The following TXNDC11 variants were observed in gnomAD, a reference collection of about 807,000 sequenced individuals.
The protein encoded by TXNDC11 is thioredoxin domain containing 11.
TXNDC11 carries 68 observed loss-of-function variants against 78.0 expected under a neutral mutation model. The observed-to-expected ratio is 0.87, with a 90% confidence interval of 0.72 to 1.07. The LOEUF (loss-of-function observed/expected upper bound fraction) is 1.07. Ranked by LOEUF, TXNDC11 falls within the 50% of genes least tolerant of loss-of-function variation. The probability of loss-of-function intolerance (pLI) is 0.00; values close to 1 mark genes in which losing one functional copy is unlikely to be tolerated. For synonymous variants in TXNDC11, 571 were observed against 495.2 expected (o/e 1.15, Z -2.03); for missense variants, 1,389 against 1,221.8 (o/e 1.14, Z -2.04).
chr16:11,723,521 G>A (rs924472220), intron 4 of TXNDC11, among the ~76,000 whole-genome samples: 8 of 152,038 alleles, frequency 5.3e-5, no homozygotes, highest in African/African-American at 1.9e-4. Context: ...GGAGGTGGAG[G>A]TTGCAGTGAG....
chr16:11,687,766 T>G (rs2050603951), intron 10 of TXNDC11, 91 bp downstream of exon 10: 1 of 857,684 alleles, frequency 1.2e-6, no homozygotes, highest in African/African-American at 1.7e-5. Context: ...TAATGGAAAA[T>G]GGGCAGACCC....
chr16:11,695,680 G>A (rs994703802), intron 7 of TXNDC11, among the ~76,000 whole-genome samples: 2 of 152,072 alleles, frequency 1.3e-5, no homozygotes, highest in African/African-American at 2.4e-5. Flanking sequence ...GAACCCTCCT[G>A]CCAGAAAAAC....
intron 1 of TXNDC11, among the ~76,000 whole-genome samples, 175 bp from the exon 2 acceptor site, chr16:11,736,408 T>C (rs1489152715): frequency 3.9e-5 from 6 of 152,172 alleles, no homozygotes; most frequent in South Asian, 2.1e-4. Context: ...ACATGAATAA[T>C]ACGTTGGAAA....
chr16:11,723,790 C>G (rs1267917359), intron 4 of TXNDC11, among the ~76,000 whole-genome samples: 2 of 152,178 alleles, frequency 1.3e-5, no homozygotes, highest in East Asian at 3.8e-4. Context: ...ATTCCCGAGC[C>G]TTTCCCCATC....
At chr16:11,698,428 C>A in intron 6 of TXNDC11, 103 bp from the exon 7 acceptor site, 1 of 1,015,374 alleles carries the variant, frequency 9.8e-7, no homozygotes. Flanking sequence ...GGTGAGAAAA[C>A]CCAGGCGTGG....
At chr16:11,690,579 G>C (rs964684133) in intron 8 of TXNDC11, among the ~76,000 whole-genome samples, 1 of 152,170 alleles carries the variant, frequency 6.6e-6, no homozygotes, top group East Asian at 1.9e-4. Flanking sequence ...TGGAGACGGA[G>C]TCTTGCTCTG....
chr16:11,738,224 C>A (rs1039662634), intron 1 of TXNDC11, among the ~76,000 whole-genome samples: 1 of 152,166 alleles, frequency 6.6e-6, no homozygotes, highest in Non-Finnish European at 1.5e-5. Context: ...ATATGAAATT[C>A]CAGAACAGGC....
At chr16:11,687,810 T>C (rs2050605080) in intron 10 of TXNDC11, 47 bp downstream of exon 10, 1 of 1,291,872 alleles carries the variant, frequency 7.7e-7, no homozygotes, top group Non-Finnish European at 1.1e-6. Context: ...CAAATAAGAG[T>C]GAAAATGGGC....
chr16:11,692,006 C>A lies in TXNDC11; in HGVS notation c.1184G>T (p.Arg395Leu), dbSNP rs745928850. The A allele has an allele frequency of 2.5e-6, 4 of 1,573,936 alleles. No homozygotes were observed. Among genetic ancestry groups the A allele is most frequent in the Non-Finnish European group, 3.5e-6 (4 of 1,158,838 alleles). ...VVERLLQHLR[R>L]VDAPVLESLA... ...GGACTCCAGCACTGGAGCATCCACC[C>A]GCCGCAGGTGCTGAAGGAGACGCTC... Residue 395 changes from arginine to leucine, a missense_variant, in exon 8 of 12, where the codon CGG becomes CTG. Transcript: ENST00000283033.
intron 6 of TXNDC11, among the ~76,000 whole-genome samples, 175 bp downstream of exon 6, chr16:11,700,277 T>C (rs2050974529): frequency 6.6e-6 from 1 of 152,200 alleles, no homozygotes. Flanking sequence ...CATGGGTTCT[T>C]AACCTGGAGC....
intron 7 of TXNDC11, among the ~76,000 whole-genome samples, chr16:11,693,126 G>A (rs2050767010): frequency 6.6e-6 from 1 of 152,074 alleles, no homozygotes; most frequent in Non-Finnish European, 1.5e-5. Flanking sequence ...CATCCCCGGG[G>A]CCTAGCACAG....
In TXNDC11 at chr16:11,679,806, C is replaced by G. The variant is rs3190321; in HGVS notation, c.2266G>C (p.Val756Leu). Residue 756 changes from valine to leucine, a missense_variant, in exon 12 of 12, where the codon GTC becomes CTC. Coordinates refer to ENST00000283033, the MANE Select transcript of TXNDC11 (RefSeq NM_015914.7). This position sits in a 1 kb window ranked among gnomAD's most constrained non-coding sequence, Gnocchi z 4.6. ...KDLSVKYPED[V>L]PITLPNLLRF... The stretch of plus-strand genomic sequence containing the variant: ...AACAGGTTTGGAAGGGTGATGGGGA[C>G]GTCTTCGGGGTATTTCACACTTAGG... 861,182 of 1,612,060 alleles carry G rather than the reference C, an allele frequency of 0.53. 233,485 individuals are homozygous for G. Among genetic ancestry groups the G allele is most frequent in the Middle Eastern group, 0.62 (3,701 of 6,010 alleles).
Position 11,691,892 on chromosome 16 carries a change from T to A in TXNDC11, c.1298A>T (p.His433Leu). 1 of 1,613,974 alleles carries A rather than the reference T, an allele frequency of 6.2e-7. No individual in the cohort carries two copies. The highest frequency in any genetic ancestry group is 8.5e-7 in the Non-Finnish European group (1 of 1,179,950). ...GACGTTGTGGGTCCTGGAGAAGGAG[T>A]GCCACTGGGGCAGCACCACAGTGTT... Reference protein sequence around the residue: ...CCNTVVLPQWHSFSRTHNVCE... With the variant: ...CCNTVVLPQWLSFSRTHNVCE... Residue 433 changes from histidine (H) to leucine (L), a missense_variant, in exon 8 of 12, where the codon CAC (histidine) becomes CTC (leucine). Coordinates refer to ENST00000283033, the MANE Select transcript of TXNDC11 (RefSeq NM_015914.7).
At position 11,683,826 on chromosome 16, in the gene TXNDC11, A is replaced by C. The variant is rs1318382094; in HGVS notation, c.2234+339T>G. 2.8e-5 allele frequency among the ~76,000 whole-genome samples: 4 copies of C among 141,832 alleles called. No individual in the cohort carries two copies. The East Asian group carries it at 8.2e-4, about 29-fold the overall frequency. The allele number at this position is 141,832 out of a possible 152,430, so 93.0% of individuals were successfully genotyped here. On this transcript the variant is annotated intron_variant, in intron 11 of 11. Transcript: ENST00000283033. ...GAGTGCAGTGGTGTGATCTTGGCTC[A>C]CTGCAACCTCCGCATCCCAGGTTCA...
Position 11,679,695 on chromosome 16 carries a change from C to G in TXNDC11, c.2377G>C (p.Ala793Pro). The stretch of plus-strand genomic sequence containing the variant: ...GAGATGTGCCCCCGCTGTAAGACTG[C>G]CTCGCTCTGAAGACACTCCTTGGTA... ...SPTKECLQSE[A>P]VLQRGHISHL... The change falls in exon 12 of 12, where the codon GCA becomes CCA. Residue 793 changes from alanine to proline, a missense_variant. Transcript: ENST00000283033. The surrounding 1 kb of genome is among the most constrained non-coding windows in gnomAD (Gnocchi z 4.6). 6.2e-7 allele frequency: 1 copy of G among 1,614,186 alleles called. No individual in the cohort carries two copies. Among genetic ancestry groups the G allele is most frequent in the South Asian group, 1.1e-5 (1 of 91,084 alleles).
Position 11,698,392 on chromosome 16 carries a change from A to G in TXNDC11, c.907-67T>C. On this transcript the variant is annotated intron_variant, in intron 6 of 11. Transcript: ENST00000283033. ...AGGTGGGGCAAGCTCAAGGCACATC[A>G]GTGCTGTTCCAACCCCACCACTAAG... is the stretch of plus-strand genomic sequence containing the variant. 2.8e-6 allele frequency: 4 copies of G among 1,438,580 alleles called. No homozygotes were observed. In the South Asian group the frequency reaches 4.6e-5, roughly 17 times the overall value. 89.1% of individuals were successfully genotyped at this position (1,438,580 alleles called of 1,614,324 possible).
intron 11 of TXNDC11, among the ~76,000 whole-genome samples, chr16:11,683,898 A>G (rs2050498009): frequency 6.6e-6 from 1 of 151,766 alleles, no homozygotes; most frequent in Admixed American, 6.6e-5. Context: ...TTACAAGCAT[A>G]TGTCACCATG....
At chr16:11,709,909 C>A (rs931543505) in intron 5 of TXNDC11, among the ~76,000 whole-genome samples, 21 of 152,150 alleles carry the variant, frequency 1.4e-4, no homozygotes, top group African/African-American at 5.1e-4. Context: ...AAGTCTAAAG[C>A]ACCATATTAA....
At chr16:11,738,970 T>C (rs1013157092) in intron 1 of TXNDC11, among the ~76,000 whole-genome samples, 22 of 151,644 alleles carry the variant, frequency 1.5e-4, no homozygotes, top group African/African-American at 5.1e-4. Flanking sequence ...GAGTTTGCAG[T>C]GAGCCAAGAT....
Sources: allele counts gnomAD v4.1 joint callset (sites outside exome capture counted in the v4.1 genomes callset), GRCh38; gene constraint gnomAD v4.1.1; non-coding constraint Gnocchi (gnomAD v3.1); transcripts MANE v1.5; gene names NCBI Gene and HGNC (gene_info 2026-07-23, HGNC 2026-07-21).